The following GMDS variants were observed in gnomAD, a reference collection of about 807,000 sequenced individuals.
GMDS encodes the protein GDP-mannose 4,6 dehydratase.
A neutral mutation model predicts 49.9 loss-of-function variants in GMDS; 20 were observed. That is an observed-to-expected ratio of 0.40 (90% CI 0.28 to 0.58). The LOEUF (loss-of-function observed/expected upper bound fraction) is 0.58. GMDS is among the 20% of genes least tolerant of loss of function. The pLI is 0.42. For synonymous variants in GMDS, 177 were observed against 178.6 expected (o/e 0.99, Z 0.07); for missense variants, 362 against 481.4 (o/e 0.75, Z 2.32).
At chr6:1,804,331 G>C (rs1236179583) in intron 7 of GMDS, among the ~76,000 whole-genome samples, 2 of 152,280 alleles carry the variant, frequency 1.3e-5, no homozygotes, top group Non-Finnish European at 2.9e-5. Context: ...TGGAAGCCAT[G>C]CATTTCCCGT....
intron 1 of GMDS, 90 bp downstream of exon 1, chr6:2,245,230 TG>T: frequency 1.1e-6 from 1 of 910,808 alleles, no homozygotes; most frequent in Non-Finnish European, 1.7e-6. Context: ...GGGCTGTTCC[TG>T]GAGAGACCGC....
intron 4 of GMDS, among the ~76,000 whole-genome samples, chr6:1,988,480 G>A (rs893398042): frequency 6.6e-6 from 1 of 152,066 alleles, no homozygotes; most frequent in Non-Finnish European, 1.5e-5. Context: ...GGCGAGGGGG[G>A]CTCCAAACCC....
chr6:2,196,383 T>C (rs914382820), intron 1 of GMDS, among the ~76,000 whole-genome samples: 6 of 152,236 alleles, frequency 3.9e-5, no homozygotes, highest in Non-Finnish European at 8.8e-5. Flanking sequence ...TTTACCAAAA[T>C]GTAGTAATAG....
rs1581399309 is a variant in GMDS, at chr6:1,640,980, G to A, written c.988-16440C>T. On this transcript the variant is annotated intron_variant, in intron 9 of 10. Coordinates refer to ENST00000380815, the MANE Select transcript of GMDS (RefSeq NM_001500.4). This position sits in a 1 kb window ranked among gnomAD's most constrained non-coding sequence, Gnocchi z 4.0. ...GTCCAGAGTGACCCCATGGGGCTGG[G>A]GTCAGGGAAGCTGTTACAGGTGGCG... 1.3e-5 allele frequency among the ~76,000 whole-genome samples: 2 copies of A among 152,162 alleles called. No individual in the cohort carries two copies. The highest frequency in any genetic ancestry group is 6.5e-5 in the Admixed American group (1 of 15,282).
chr6:1,696,049 C>A (rs1221674916), intron 9 of GMDS, among the ~76,000 whole-genome samples: 1 of 151,502 alleles, frequency 6.6e-6, no homozygotes, highest in Non-Finnish European at 1.5e-5. Flanking sequence ...TCAACTCACA[C>A]ATAGAGAAAG....
chr6:1,624,318 C>T, intron 10 of GMDS, 87 bp from the exon 11 acceptor site: 3 of 1,331,762 alleles, frequency 2.3e-6, no homozygotes, highest in Middle Eastern at 1.8e-4. Flanking sequence ...CCAGAGAGGC[C>T]TCCGCGTCCC....
chr6:1,945,304 G>C (rs986776675), intron 6 of GMDS, among the ~76,000 whole-genome samples: 5 of 151,912 alleles, frequency 3.3e-5, no homozygotes, highest in African/African-American at 1.2e-4. Flanking sequence ...AGATGAATGG[G>C]CATGCAGGAG....
chr6:1,741,103 G>T (rs1438195526), intron 8 of GMDS, among the ~76,000 whole-genome samples: 2 of 152,022 alleles, frequency 1.3e-5, no homozygotes, highest in Non-Finnish European at 2.9e-5. Flanking sequence ...TTGATATTTT[G>T]ACACATGTAT....
chr6:2,035,304 T>G (rs1316307607), intron 4 of GMDS, among the ~76,000 whole-genome samples: 1 of 152,224 alleles, frequency 6.6e-6, no homozygotes, highest in Non-Finnish European at 1.5e-5. Context: ...TGTTGAATGC[T>G]GTGCCTGACC....
At chr6:1,943,836 T>A (rs1408136906) in intron 6 of GMDS, among the ~76,000 whole-genome samples, 2 of 152,216 alleles carry the variant, frequency 1.3e-5, no homozygotes, top group African/African-American at 4.8e-5. Context: ...TAATCAGAGC[T>A]GTAGCAAATA....
At chr6:1,850,823 C>G (rs1443296243) in intron 7 of GMDS, among the ~76,000 whole-genome samples, 1 of 152,196 alleles carries the variant, frequency 6.6e-6, no homozygotes, top group East Asian at 1.9e-4. Context: ...ATTGCCCTCC[C>G]TTTTAGAAAT....
intron 9 of GMDS, among the ~76,000 whole-genome samples, chr6:1,696,875 AAAC>A (rs1239855137): frequency 6.6e-6 from 1 of 152,224 alleles, no homozygotes; most frequent in Non-Finnish European, 1.5e-5. Context: ...TCACATGGTA[AAAC>A]AACAAGTGTT....
At chr6:1,805,287 T>C (rs1042241251) in intron 7 of GMDS, among the ~76,000 whole-genome samples, 10 of 152,232 alleles carry the variant, frequency 6.6e-5, no homozygotes, top group Admixed American at 5.2e-4. Flanking sequence ...TATTACAAGA[T>C]ACACTGTTTC....
At chr6:2,099,061 G>A (rs554314615) in intron 4 of GMDS, among the ~76,000 whole-genome samples, 4 of 152,098 alleles carry the variant, frequency 2.6e-5, no homozygotes, top group African/African-American at 9.6e-5. Flanking sequence ...CGCTTATAAA[G>A]ACACATTTTT....
At chr6:1,960,094 T>A in intron 5 of GMDS, 123 bp from the exon 6 acceptor site, 1 of 536,656 alleles carries the variant, frequency 1.9e-6, no homozygotes, top group Non-Finnish European at 3.4e-6. Context: ...CAAAAAAGTA[T>A]CAAAACCCAA....
At chr6:1,834,195 T>C (rs1409402383) in intron 7 of GMDS, among the ~76,000 whole-genome samples, 2 of 152,206 alleles carry the variant, frequency 1.3e-5, no homozygotes, top group Non-Finnish European at 2.9e-5. Flanking sequence ...ATAAAAGCTA[T>C]TCTATAAGGA....
rs150103739 is a variant in GMDS at position 2,159,738 on chromosome 6, C to A, written c.103-35007G>T. Among the ~76,000 whole-genome samples the A allele has an allele frequency of 5.7e-3, 865 of 151,480 alleles. 2 individuals are homozygous for A. Among genetic ancestry groups the A allele is most frequent in the Middle Eastern group, 0.017 (5 of 290 alleles). On this transcript the variant is annotated intron_variant, in intron 1 of 10. Coordinates refer to ENST00000380815, the MANE Select transcript of GMDS (RefSeq NM_001500.4). ...TTCACCATGTTGGCCAAGCTGGTTT[C>A]GAACCTGACCTCAGGTGATCTGCCT... is the stretch of plus-strand genomic sequence containing the variant.
rs138413786 is a variant in GMDS, at chr6:1,859,397, T to G, written c.771+70706A>C. Among the ~76,000 whole-genome samples, 1,081 of 152,236 alleles carry G rather than the reference T, an allele frequency of 7.1e-3. 5 individuals are homozygous for G. Among genetic ancestry groups the G allele is most frequent in the Non-Finnish European group, 0.011 (777 of 68,018 alleles). On this transcript the variant is annotated intron_variant, in intron 7 of 10. Transcript: ENST00000380815. Reference sequence around the variant, plus strand: ...CAAATGGAGCTAGGCTGTAGTTTGTTGGATGAAAAAAAGTAATACAAGAAA... The same window carrying G: ...CAAATGGAGCTAGGCTGTAGTTTGTGGGATGAAAAAAAGTAATACAAGAAA...
rs374753244 is a variant in GMDS at position 1,996,339 on chromosome 6, CA to C, written c.346-35374del. On this transcript the variant is annotated intron_variant, in intron 4 of 10. Coordinates refer to ENST00000380815, the MANE Select transcript of GMDS (RefSeq NM_001500.4). ...CTGGGTAGTGTACCTTTTTAAGAGA[CA>C]GGGGGTGGCTATTCCACTGCTGTCC... Among the ~76,000 whole-genome samples, 760 of 152,254 alleles carry C rather than the reference CA, an allele frequency of 5.0e-3. 8 individuals are homozygous for C. Among genetic ancestry groups the C allele is most frequent in the Middle Eastern group, 0.037 (11 of 294 alleles).
Sources: gnomAD v4.1 joint callset for allele counts (sites outside exome capture counted in the v4.1 genomes callset) on GRCh38, gnomAD v4.1.1 for gene constraint, Gnocchi (gnomAD v3.1) non-coding constraint, MANE v1.5 for transcripts, NCBI Gene and HGNC (gene_info 2026-07-23, HGNC 2026-07-21) for gene names.